Variants in CSMD1 observed in about 807,000 individuals in gnomAD.
CSMD1 encodes CUB and sushi domain-containing protein 1.
Under a neutral mutation model 417.5 loss-of-function variants are expected in CSMD1, and 213 were observed. The ratio of observed to expected loss-of-function variants is 0.51; its 90% CI spans 0.46 to 0.57. The LOEUF (loss-of-function observed/expected upper bound fraction) is 0.57. Among genes scored for constraint, CSMD1 ranks in the 20% least tolerant of loss-of-function variants. The probability of loss-of-function intolerance (pLI) is 0.00; values close to 1 mark genes in which losing one functional copy is unlikely to be tolerated. For synonymous variants in CSMD1, 2,862 were observed against 1,736.8 expected, an observed-to-expected ratio of 1.65 and a Z score of -16.11; for missense variants, 6,923 against 4,529.7, an observed-to-expected ratio of 1.53 and a Z score of -15.17.
intron 1 of CSMD1, among the ~76,000 whole-genome samples, chr8:4,814,440 T>C (rs867984648): frequency 1.3e-5 from 2 of 152,146 alleles, no homozygotes; most frequent in South Asian, 2.1e-4. Context: ...AGAAACACGG[T>C]TTCACCATGT....
chr8:3,150,972 C>A (rs1289535573), intron 40 of CSMD1, among the ~76,000 whole-genome samples: 5 of 151,694 alleles, frequency 3.3e-5, no homozygotes, highest in Admixed American at 2.0e-4. Context: ...ATGTATAAAA[C>A]AATACTATTT....
intron 1 of CSMD1, among the ~76,000 whole-genome samples, chr8:4,774,135 G>T (rs1475130750): frequency 6.6e-6 from 1 of 152,194 alleles, no homozygotes; most frequent in African/African-American, 2.4e-5. Flanking sequence ...AGGAGGTGGA[G>T]GTGGCAGTGA....
chr8:3,247,324 C>G (rs1453438208), intron 26 of CSMD1, among the ~76,000 whole-genome samples: 5 of 152,220 alleles, frequency 3.3e-5, no homozygotes, highest in African/African-American at 1.2e-4. Flanking sequence ...TGGACGCAGA[C>G]TCCTCCTGCT....
chr8:4,594,085 G>A (rs995432992), intron 2 of CSMD1, among the ~76,000 whole-genome samples: 2 of 151,162 alleles, frequency 1.3e-5, no homozygotes, highest in Non-Finnish European at 2.9e-5. Flanking sequence ...TCTTCCTCAT[G>A]TGCCTCTCTG....
intron 3 of CSMD1, among the ~76,000 whole-genome samples, chr8:4,043,454 G>A (rs1297237052): frequency 2.6e-5 from 4 of 152,264 alleles, no homozygotes; most frequent in Admixed American, 6.5e-5. Context: ...GATAATGGAT[G>A]AAAAATACAC....
At chr8:3,283,204 C>T (rs76567475) in intron 26 of CSMD1, among the ~76,000 whole-genome samples, 3,909 of 152,134 alleles carry the variant, frequency 0.026, 170 homozygotes, top group African/African-American at 0.088. Flanking sequence ...ATTCACGGAC[C>T]GTCCTGAACC....
At chr8:4,227,493 G>C (rs956133084) in intron 3 of CSMD1, among the ~76,000 whole-genome samples, 2 of 152,078 alleles carry the variant, frequency 1.3e-5, no homozygotes, top group African/African-American at 2.4e-5. Context: ...GTGCCCTTGA[G>C]GCTGGAGGAG....
chr8:3,042,724 G>A (rs909197975), intron 50 of CSMD1, among the ~76,000 whole-genome samples: 2 of 152,132 alleles, frequency 1.3e-5, no homozygotes, highest in African/African-American at 4.8e-5. Flanking sequence ...AGAGCTCAGA[G>A]ATTTAACTCG....
chr8:3,743,315 T>A (rs1268157766), intron 6 of CSMD1, among the ~76,000 whole-genome samples: 1 of 152,224 alleles, frequency 6.6e-6, no homozygotes, highest in African/African-American at 2.4e-5. Context: ...CTTTCCTGGA[T>A]GCTGGAAGCA....
At chr8:3,466,149 A>T (rs765172883) in intron 12 of CSMD1, among the ~76,000 whole-genome samples, 2 of 152,048 alleles carry the variant, frequency 1.3e-5, no homozygotes, top group Non-Finnish European at 2.9e-5. Context: ...TGAGCCTTAC[A>T]TGTTTTACTC....
intron 2 of CSMD1, among the ~76,000 whole-genome samples, chr8:4,467,872 A>C (rs1439760996): frequency 6.6e-6 from 1 of 152,212 alleles, no homozygotes; most frequent in East Asian, 1.9e-4. Context: ...AGTTCCAAAA[A>C]AACAGAATCA....
intron 37 of CSMD1, among the ~76,000 whole-genome samples, chr8:3,176,032 T>C (rs1820915334): frequency 6.6e-6 from 1 of 152,158 alleles, no homozygotes; most frequent in Non-Finnish European, 1.5e-5. Context: ...TTTGGATAGA[T>C]GTCATTAGAT....
chr8:3,333,668 A>G (rs1294127750), intron 23 of CSMD1, among the ~76,000 whole-genome samples: 1 of 152,098 alleles, frequency 6.6e-6, no homozygotes, highest in African/African-American at 2.4e-5. Context: ...CAGGCTGAAT[A>G]TTTCCTTATT....
chr8:3,815,607 T>C (rs944898499), intron 5 of CSMD1, among the ~76,000 whole-genome samples: 2 of 146,340 alleles, frequency 1.4e-5, no homozygotes, highest in Admixed American at 7.1e-5. Flanking sequence ...CTTAAAAATG[T>C]CTATCACTGC....
chr8:3,095,389 T>C (rs1456701463), intron 47 of CSMD1, among the ~76,000 whole-genome samples: 1 of 152,154 alleles, frequency 6.6e-6, no homozygotes, highest in Non-Finnish European at 1.5e-5. Flanking sequence ...GAGTTACTTC[T>C]CTCTACTCTA....
At chr8:4,065,080 A>G (rs1011615913) in intron 3 of CSMD1, among the ~76,000 whole-genome samples, 1 of 152,252 alleles carries the variant, frequency 6.6e-6, no homozygotes, top group Non-Finnish European at 1.5e-5. Context: ...TTTACCGAAT[A>G]TAAAAATTGT....
intron 3 of CSMD1, among the ~76,000 whole-genome samples, chr8:4,255,054 T>C (rs1803359059): frequency 6.6e-6 from 1 of 152,122 alleles, no homozygotes; most frequent in Admixed American, 6.5e-5. Flanking sequence ...GATCAAGCAA[T>C]TCTCAGCCTT....
At chr8:3,306,578 G>T (rs550891776) in intron 25 of CSMD1, among the ~76,000 whole-genome samples, 2 of 152,144 alleles carry the variant, frequency 1.3e-5, no homozygotes, top group East Asian at 1.9e-4. Flanking sequence ...GAGTGTAGAC[G>T]CCTGGGACAT....
chr8:3,905,490 G>C (rs1437523733), intron 5 of CSMD1, among the ~76,000 whole-genome samples: 1 of 152,202 alleles, frequency 6.6e-6, no homozygotes, highest in African/African-American at 2.4e-5. Context: ...TCCTACGTGT[G>C]AAAGATCTCT....
Sources: allele counts gnomAD v4.1 joint callset (sites outside exome capture counted in the v4.1 genomes callset), GRCh38; gene constraint gnomAD v4.1.1; transcripts MANE v1.5; gene names NCBI Gene and HGNC (gene_info 2026-07-23, HGNC 2026-07-21).